Variants in LRRTM4 observed in about 807,000 individuals in gnomAD.
LRRTM4 encodes the protein leucine rich repeat transmembrane neuronal 4, also known as leucine-rich repeat transmembrane neuronal protein 4.
A neutral mutation model predicts 47.6 loss-of-function variants in LRRTM4; 25 were observed. That is an observed-to-expected ratio of 0.53 (90% CI 0.38 to 0.73). The LOEUF is 0.73. Ranked by LOEUF, LRRTM4 falls within the 30% of genes least tolerant of loss-of-function variation. The pLI is 0.00. For synonymous variants in LRRTM4, 311 were observed against 269.5 expected (o/e 1.15, Z -1.51); for missense variants, 638 against 713.4 (o/e 0.89, Z 1.20).
At chr2:77,073,835 C>A (rs1416016013) in intron 3 of LRRTM4, among the ~76,000 whole-genome samples, 9 of 151,850 alleles carry the variant, frequency 5.9e-5, no homozygotes, top group Admixed American at 5.3e-4. Context: ...AAATCTGTGA[C>A]CTTCAGCCAA....
chr2:76,935,333 G>A (rs1049179439), intron 3 of LRRTM4, among the ~76,000 whole-genome samples: 4 of 152,046 alleles, frequency 2.6e-5, no homozygotes, highest in Non-Finnish European at 2.9e-5. Flanking sequence ...TTGGCTATGC[G>A]GGCTCTTTTT....
At chr2:77,081,467 ACT>A (rs1357183201) in intron 3 of LRRTM4, among the ~76,000 whole-genome samples, 9 of 152,080 alleles carry the variant, frequency 5.9e-5, no homozygotes, top group African/African-American at 2.2e-4. Flanking sequence ...AATAAAAATC[ACT>A]GATATATATA....
intron 3 of LRRTM4, among the ~76,000 whole-genome samples, chr2:77,379,090 G>A (rs1672949204): frequency 6.6e-6 from 1 of 151,878 alleles, no homozygotes; most frequent in South Asian, 2.1e-4. Context: ...TTCAATGATT[G>A]TACTTATATA....
At chr2:77,115,193 C>T (rs113120747) in intron 3 of LRRTM4, among the ~76,000 whole-genome samples, 6 of 152,188 alleles carry the variant, frequency 3.9e-5, no homozygotes, top group South Asian at 2.1e-4. Flanking sequence ...CTTGCATGTC[C>T]GTTTATAGGT....
intron 3 of LRRTM4, among the ~76,000 whole-genome samples, chr2:77,343,696 C>CTG (rs1671458269): frequency 6.6e-6 from 1 of 151,900 alleles, no homozygotes; most frequent in African/African-American, 2.4e-5. Context: ...AGCACCTACT[C>CTG]TGTCATTTAC....
At chr2:76,834,268 C>T (rs1053381502) in intron 3 of LRRTM4, among the ~76,000 whole-genome samples, 1 of 149,156 alleles carries the variant, frequency 6.7e-6, no homozygotes, top group South Asian at 2.1e-4. Flanking sequence ...CCAGTCTGGT[C>T]TCGAACTCCT....
At chr2:76,842,009 C>G (rs1671698749) in intron 3 of LRRTM4, among the ~76,000 whole-genome samples, 1 of 152,080 alleles carries the variant, frequency 6.6e-6, no homozygotes, top group African/African-American at 2.4e-5. Flanking sequence ...ACTGGATGTC[C>G]AGAGAGCTGG....
chr2:77,062,233 A>G (rs955626449), intron 3 of LRRTM4, among the ~76,000 whole-genome samples: 6 of 152,188 alleles, frequency 3.9e-5, no homozygotes, highest in African/African-American at 9.7e-5. Flanking sequence ...TTATTACACA[A>G]TAATTCTAAA....
chr2:77,083,655 AAC>A (rs1337061464), intron 3 of LRRTM4, among the ~76,000 whole-genome samples: 1 of 152,010 alleles, frequency 6.6e-6, no homozygotes, highest in African/African-American at 2.4e-5. Flanking sequence ...CTTCATGATG[AAC>A]AGTTAGTAAA....
At chr2:76,873,298 G>A (rs773839246) in intron 3 of LRRTM4, among the ~76,000 whole-genome samples, 8 of 151,842 alleles carry the variant, frequency 5.3e-5, no homozygotes, top group Non-Finnish European at 1.2e-4. Context: ...ATTAAGTAGT[G>A]TGGCTAGCAT....
chr2:77,021,422 A>T (rs1678265995), intron 3 of LRRTM4, among the ~76,000 whole-genome samples: 2 of 152,194 alleles, frequency 1.3e-5, no homozygotes, highest in South Asian at 4.1e-4. Flanking sequence ...ACATTAAGAC[A>T]TCAAGATAAT....
intron 3 of LRRTM4, among the ~76,000 whole-genome samples, chr2:76,973,635 C>T (rs931155331): frequency 2.0e-5 from 3 of 151,822 alleles, no homozygotes; most frequent in African/African-American, 7.2e-5. Flanking sequence ...ATACTTTTGA[C>T]GGTATGCTCA....
chr2:77,305,234 A>G (rs1677240359), intron 3 of LRRTM4, among the ~76,000 whole-genome samples: 1 of 152,046 alleles, frequency 6.6e-6, no homozygotes, highest in South Asian at 2.1e-4. Context: ...TGATATACAG[A>G]AATTAATTTT....
intron 3 of LRRTM4, among the ~76,000 whole-genome samples, chr2:76,881,043 G>T (rs891520105): frequency 6.6e-6 from 1 of 152,024 alleles, no homozygotes; most frequent in African/African-American, 2.4e-5. Flanking sequence ...CCGTAGGATG[G>T]CTATAGTTGA....
chr2:77,481,596 G>T (rs933400229), intron 3 of LRRTM4, among the ~76,000 whole-genome samples: 14 of 152,040 alleles, frequency 9.2e-5, no homozygotes, highest in African/African-American at 3.4e-4. Context: ...CATGTCAAGG[G>T]CAGAGATTCC....
intron 3 of LRRTM4, among the ~76,000 whole-genome samples, chr2:77,130,898 G>C (rs1371409343): frequency 8.8e-6 from 1 of 114,000 alleles, no homozygotes; most frequent in East Asian, 2.6e-4. Flanking sequence ...GCAGTGGCGG[G>C]ATCTTGGCTC....
chr2:77,092,339 C>T (rs1183152224), intron 3 of LRRTM4, among the ~76,000 whole-genome samples: 1 of 151,534 alleles, frequency 6.6e-6, no homozygotes, highest in East Asian at 2.0e-4. Context: ...TGTTCCTCAC[C>T]CTGATCACAC....
intron 3 of LRRTM4, among the ~76,000 whole-genome samples, chr2:76,763,228 C>T (rs1231221535): frequency 1.3e-5 from 2 of 152,192 alleles, no homozygotes; most frequent in Non-Finnish European, 2.9e-5. Flanking sequence ...CATTAACACT[C>T]TTTGCACTGT....
At chr2:77,275,940 C>G (rs1239163148) in intron 3 of LRRTM4, among the ~76,000 whole-genome samples, 2 of 151,980 alleles carry the variant, frequency 1.3e-5, no homozygotes, top group Non-Finnish European at 2.9e-5. Context: ...ATTAAGATGA[C>G]AATCCCTTTC....
Sources: allele counts gnomAD v4.1 joint callset (sites outside exome capture counted in the v4.1 genomes callset), GRCh38; gene constraint gnomAD v4.1.1; transcripts MANE v1.5; gene names NCBI Gene and HGNC (gene_info 2026-07-23, HGNC 2026-07-21).